The following MOXD1 variants were observed in gnomAD, a reference collection of about 807,000 sequenced individuals.
The protein encoded by MOXD1 is monooxygenase DBH like 1, also known as DBH-like monooxygenase protein 1.
Under a neutral mutation model 66.6 loss-of-function variants are expected in MOXD1, and 62 were observed. The observed-to-expected ratio is 0.93, with a 90% confidence interval of 0.76 to 1.15. The LOEUF is 1.15. MOXD1 is among the 50% of genes most tolerant of loss of function. The pLI, the probability that MOXD1 is intolerant of heterozygous loss-of-function variation, is 0.00. For synonymous variants in MOXD1, 303 were observed against 281.9 expected, an observed-to-expected ratio of 1.07 and a Z score of -0.75; for missense variants, 847 against 754.6, an observed-to-expected ratio of 1.12 and a Z score of -1.44.
rs549835163 is a variant in MOXD1, at chr6:132,386,203, C to T, written c.265-11426G>A. Among the ~76,000 whole-genome samples the T allele has an allele frequency of 5.8e-4, 84 of 145,578 alleles. No homozygotes were observed. In the South Asian group the frequency reaches 0.018, roughly 31 times the overall value. On this transcript the variant is annotated intron_variant, in intron 1 of 11. Coordinates refer to ENST00000367963, the MANE Select transcript of MOXD1 (RefSeq NM_015529.4). The stretch of plus-strand genomic sequence containing the variant: ...GGATCACGAGGTCAGGAAATCAAGA[C>T]CATCCTGGCTAACACGGTGAAACCC...
At chr6:132,303,823 GTGTGTGTGTGTGTATATATATA>G (rs1774614088) in intron 10 of MOXD1, among the ~76,000 whole-genome samples, 4 of 97,694 alleles carry the variant, frequency 4.1e-5, no homozygotes, top group Admixed American at 3.6e-4. Flanking sequence ...GTGTGTGTGT[GTGTGTGTGTGTGTATATATATA>G]TATATATATA....
intron 4 of MOXD1, among the ~76,000 whole-genome samples, chr6:132,338,897 G>A (rs1411812088): frequency 6.6e-6 from 1 of 152,134 alleles, no homozygotes; most frequent in Non-Finnish European, 1.5e-5. Context: ...TCAAACAATA[G>A]TACTAGTATT....
At chr6:132,348,974 T>A (rs1314015533) in intron 4 of MOXD1, among the ~76,000 whole-genome samples, 1 of 150,684 alleles carries the variant, frequency 6.6e-6, no homozygotes, top group African/African-American at 2.5e-5. Flanking sequence ...TTATTTTTAT[T>A]TTATTTTATT....
chr6:132,359,748 A>C (rs1775980477), intron 4 of MOXD1, among the ~76,000 whole-genome samples: 1 of 152,208 alleles, frequency 6.6e-6, no homozygotes, highest in African/African-American at 2.4e-5. Flanking sequence ...TGCCTCCCAA[A>C]GTGCTGGGAT....
At chr6:132,320,558 T>A (rs1476548282) in intron 9 of MOXD1, 71 bp downstream of exon 9, 2 of 1,337,068 alleles carry the variant, frequency 1.5e-6, no homozygotes, top group East Asian at 4.9e-5. Flanking sequence ...GTTTTTACCT[T>A]TTTCTTCTAA....
chr6:132,320,154 T>C (rs972482486), intron 9 of MOXD1, among the ~76,000 whole-genome samples: 1 of 152,170 alleles, frequency 6.6e-6, no homozygotes, highest in Non-Finnish European at 1.5e-5. Context: ...TTAGTGTTCC[T>C]GAAAGAGATT....
intron 4 of MOXD1, among the ~76,000 whole-genome samples, chr6:132,334,446 A>C (rs1307736701): frequency 6.6e-6 from 1 of 152,176 alleles, no homozygotes. Flanking sequence ...CAGCACTCAC[A>C]ACTGACCCAA....
chr6:132,346,931 T>C (rs1775679132), intron 4 of MOXD1, among the ~76,000 whole-genome samples: 1 of 152,166 alleles, frequency 6.6e-6, no homozygotes, highest in South Asian at 2.1e-4. Flanking sequence ...TAAGAAACTG[T>C]ACCCAAGGCT....
At position 132,320,660 on chromosome 6, in the gene MOXD1, T is replaced by C; in HGVS notation, c.1334A>G (p.Tyr445Cys). The change falls in exon 9 of 12, where the codon TAC (tyrosine) becomes TGC (cysteine). Residue 445 changes from tyrosine (Y) to cysteine (C), a missense_variant. Coordinates refer to ENST00000367963, the MANE Select transcript of MOXD1 (RefSeq NM_015529.4). ...CATCTCAGCTCTATCTTTCGTGTTG[T>C]AGCGACACTCAGTAATTAGGTTATC... is the stretch of plus-strand genomic sequence containing the variant. Reference protein sequence around the residue: ...PGDNLITECRYNTKDRAEMTW... With the variant: ...PGDNLITECRCNTKDRAEMTW... 4.3e-6 allele frequency: 7 copies of C among 1,611,274 alleles called. No individual in the cohort carries two copies. The highest frequency in any genetic ancestry group is 5.9e-6 in the Non-Finnish European group (7 of 1,178,624).
chr6:132,390,325 A>G (rs1460507863), intron 1 of MOXD1: 1 of 151,588 alleles, frequency 6.6e-6, no homozygotes, highest in Non-Finnish European at 1.5e-5. Flanking sequence ...CACTATGGTT[A>G]ACGTCGAAAG....
At position 132,303,128 on chromosome 6, in the gene MOXD1, A is replaced by C. The variant is rs539678094; in HGVS notation, c.1509-5173T>G. On this transcript the variant is annotated intron_variant, in intron 10 of 11. Coordinates refer to ENST00000367963, the MANE Select transcript of MOXD1 (RefSeq NM_015529.4). ...AGAAAGTCTTCCCTTGAGTAGGCAA[A>C]GATTTTTTAAGCAGGATATGAAAAG... is the stretch of plus-strand genomic sequence containing the variant. Among the ~76,000 whole-genome samples the C allele has an allele frequency of 3.4e-3, 521 of 152,280 alleles. 2 individuals are homozygous for C. Among genetic ancestry groups the C allele is most frequent in the African/African-American group, 0.012 (495 of 41,578 alleles).
chr6:132,371,549 C>T (rs762404844), intron 4 of MOXD1, among the ~76,000 whole-genome samples: 48 of 152,044 alleles, frequency 3.2e-4, no homozygotes, highest in Admixed American at 3.0e-3. Context: ...ATTTTAGCCA[C>T]GAATAAACTT....
At chr6:132,395,045 C>A (rs189309586) in intron 1 of MOXD1, among the ~76,000 whole-genome samples, 1 of 152,020 alleles carries the variant, frequency 6.6e-6, no homozygotes, top group African/African-American at 2.4e-5. Context: ...AGAGAAAACT[C>A]AAAAAAGCAA....
At chr6:132,313,685 G>A (rs138552595) in intron 10 of MOXD1, among the ~76,000 whole-genome samples, 2,767 of 152,108 alleles carry the variant, frequency 0.018, 95 homozygotes, top group African/African-American at 0.063. Flanking sequence ...AGGCCGAGGC[G>A]GGTGGATCAC....
At chr6:132,311,129 AAT>A (rs1197231751) in intron 10 of MOXD1, among the ~76,000 whole-genome samples, 1 of 152,216 alleles carries the variant, frequency 6.6e-6, no homozygotes, top group African/African-American at 2.4e-5. Context: ...AAGGGAAAGA[AAT>A]ATGACCCTAA....
rs369504627 is a variant in MOXD1, at chr6:132,320,896, T to C, written c.1306-208A>G. 5.9e-5 allele frequency among the ~76,000 whole-genome samples: 9 copies of C among 152,338 alleles called. No homozygotes were observed. The South Asian group carries it at 1.9e-3, about 32-fold the overall frequency. On this transcript the variant is annotated intron_variant, in intron 8 of 11. Transcript: ENST00000367963. ...AGGACTCTCTGTGTTTCCACCAGAC[T>C]CCACAACATTCTAGCTGGATGAACT...
chr6:132,297,926 T>C lies in MOXD1; in HGVS notation c.1538A>G (p.Lys513Arg). The C allele has an allele frequency of 1.2e-6, 2 of 1,610,178 alleles. No homozygotes were observed. The highest frequency in any genetic ancestry group is 1.1e-5 in the South Asian group (1 of 90,236). ...TTWPFIIKSP[K>R]QYKNLSFMDA... is the part of the protein sequence containing the mutation. ...CATGAAAGAAAGGTTTTTATATTGC[T>C]TGGGACTTTTGATAATGAAAGGCCA... The change falls in exon 11 of 12, where the codon AAG (lysine) becomes AGG (arginine). Residue 513 changes from lysine (K) to arginine (R), a missense_variant. Physicochemically the swap from Lys to Arg is conservative, Grantham distance 26. Coordinates refer to ENST00000367963, the MANE Select transcript of MOXD1 (RefSeq NM_015529.4).
At chr6:132,381,573 C>T (rs935889751) in intron 1 of MOXD1, among the ~76,000 whole-genome samples, 1 of 151,928 alleles carries the variant, frequency 6.6e-6, no homozygotes, top group Non-Finnish European at 1.5e-5. Flanking sequence ...CCACTGAAAG[C>T]ACAGTCAGCA....
At chr6:132,330,170 C>G (rs1270654419) in intron 4 of MOXD1, among the ~76,000 whole-genome samples, 1 of 152,126 alleles carries the variant, frequency 6.6e-6, no homozygotes, top group Non-Finnish European at 1.5e-5. Context: ...GCAGGGGTCC[C>G]CAATCCAGTA....
Sources: allele counts gnomAD v4.1 joint callset (sites outside exome capture counted in the v4.1 genomes callset), GRCh38; gene constraint gnomAD v4.1.1; transcripts MANE v1.5; gene names NCBI Gene and HGNC (gene_info 2026-07-23, HGNC 2026-07-21).